The following ACKR2 variants were observed in gnomAD, a reference collection of about 807,000 sequenced individuals.
ACKR2 encodes the protein C-C chemokine receptor D6.
For synonymous variants in ACKR2, 207 were observed against 192.2 expected, an observed-to-expected ratio of 1.08 and a Z score of -0.64; for missense variants, 457 against 477.3, an observed-to-expected ratio of 0.96 and a Z score of 0.40.
Position 42,863,679 on chromosome 3 carries a change from C to T in ACKR2, c.-37-787C>T, listed in dbSNP as rs183420017. On this transcript the variant is annotated intron_variant, in intron 2 of 2. Coordinates refer to ENST00000422265, the MANE Select transcript of ACKR2 (RefSeq NM_001296.5). Reference sequence around the variant, plus strand: ...TACACAGCATGGAATACTATGCAGCCATAAAATGGATGAGTTCATGTCCTT... The same window carrying T: ...TACACAGCATGGAATACTATGCAGCTATAAAATGGATGAGTTCATGTCCTT... 7.5e-3 allele frequency among the ~76,000 whole-genome samples: 1,135 copies of T among 152,284 alleles called. 19 individuals carry two copies. In the South Asian group the frequency reaches 0.078, roughly 10 times the overall value.
At chr3:42,856,356 C>A in intron 2 of ACKR2, 1 of 702,468 alleles carries the variant, frequency 1.4e-6, no homozygotes, top group South Asian at 1.5e-5. Context: ...CCAGGGCTCC[C>A]TCAGGAGAGG....
At chr3:42,815,262 A>T (rs1025289220) in intron 1 of ACKR2, among the ~76,000 whole-genome samples, 1 of 152,204 alleles carries the variant, frequency 6.6e-6, no homozygotes, top group African/African-American at 2.4e-5. Context: ...CCCATTACAT[A>T]CTGTGTATTG....
chr3:42,842,147 A>G (rs1255953473), intron 2 of ACKR2, among the ~76,000 whole-genome samples: 2 of 152,258 alleles, frequency 1.3e-5, no homozygotes, highest in African/African-American at 4.8e-5. Context: ...CTTTCTGGGC[A>G]TTAGAAACAG....
intron 2 of ACKR2, among the ~76,000 whole-genome samples, chr3:42,821,181 T>C (rs1043184646): frequency 1.3e-5 from 2 of 152,186 alleles, no homozygotes; most frequent in African/African-American, 2.4e-5. Context: ...TGAGCCACCA[T>C]GCCTGGCCTC....
At chr3:42,818,140 TTGGTATTCCACAGACTCCA>T (rs1379963660) in intron 1 of ACKR2, among the ~76,000 whole-genome samples, 1 of 152,230 alleles carries the variant, frequency 6.6e-6, no homozygotes, top group African/African-American at 2.4e-5. Context: ...CGTCTTCACT[TTGGTATTCCACAGACTCCA>T]TGTGTCCATA....
intron 2 of ACKR2, among the ~76,000 whole-genome samples, chr3:42,828,090 A>ATTTTTTTTTTTTTTTTTT (rs200255129): frequency 1.1e-5 from 1 of 91,874 alleles, no homozygotes; most frequent in African/African-American, 4.3e-5. Flanking sequence ...ATATATATAT[A>ATTTTTTTTTTTTTTTTTT]TATTTTTTTT....
rs926528397 is a variant in ACKR2, at chr3:42,856,250, T to TG, written c.-37-8211dup. On this transcript the variant is annotated intron_variant, in intron 2 of 2. Transcript: ENST00000422265. ...AGCCACTCAGGCTGAGCTCCTGGGG[T>TG]GGGGGCAGGTCATGTGTGGTTTCCA... is the stretch of plus-strand genomic sequence containing the variant. 1.5e-5 allele frequency: 9 copies of TG among 605,956 alleles called. No individual in the cohort carries two copies. In the African/African-American group the frequency reaches 1.7e-4, roughly 11 times the overall value. 37.5% of individuals were successfully genotyped at this position (605,956 alleles called of 1,614,324 possible). A position where few individuals can be genotyped will look rare whatever the true frequency, so the allele number is the denominator to read the frequency against.
intron 2 of ACKR2, among the ~76,000 whole-genome samples, 167 bp from the exon 3 acceptor site, chr3:42,864,299 A>G (rs531016643): frequency 5.3e-5 from 8 of 152,350 alleles, no homozygotes; most frequent in East Asian, 1.9e-4. Flanking sequence ...TCTTGGTGAC[A>G]TAACTATTAA....
At chr3:42,841,958 A>G (rs1337894497) in intron 2 of ACKR2, among the ~76,000 whole-genome samples, 1 of 152,162 alleles carries the variant, frequency 6.6e-6, no homozygotes, top group Admixed American at 6.5e-5. Flanking sequence ...ATCACTCCCT[A>G]GCATTGGGAT....
At position 42,866,177 on chromosome 3, in the gene ACKR2, C is replaced by CTTTTTTTTTTTTTT. The variant is rs59894863; in HGVS notation, c.*523_*536dup. 2 of 122,046 alleles carry CTTTTTTTTTTTTTT rather than the reference C, an allele frequency of 1.6e-5. No individual in the cohort carries two copies. Among genetic ancestry groups the CTTTTTTTTTTTTTT allele is most frequent in the East Asian group, 2.4e-4 (1 of 4,096 alleles). The allele number at this position is 122,046 out of a possible 1,614,324, so 7.6% of individuals were successfully genotyped here. ...TTTTTTTTCTTTCTTTCTTTCTTTT[C>CTTTTTTTTTTTTTT]TTTTTTTTTTTTTTTTGAGACGGAG... On this transcript the variant is annotated 3_prime_UTR_variant, in exon 3 of 3. Transcript: ENST00000422265.
At chr3:42,857,545 A>G (rs940315739) in intron 2 of ACKR2, among the ~76,000 whole-genome samples, 1 of 152,230 alleles carries the variant, frequency 6.6e-6, no homozygotes, top group Non-Finnish European at 1.5e-5. Context: ...GAACCTCACA[A>G]GACAGGCACT....
chr3:42,854,553 T>C (rs1380228964), intron 2 of ACKR2, among the ~76,000 whole-genome samples: 5 of 152,168 alleles, frequency 3.3e-5, no homozygotes, highest in Non-Finnish European at 5.9e-5. Flanking sequence ...CGGCCCCCCA[T>C]TTGCTAATCT....
chr3:42,861,194 C>T (rs941345735), intron 2 of ACKR2, among the ~76,000 whole-genome samples: 3 of 152,138 alleles, frequency 2.0e-5, no homozygotes, highest in Admixed American at 1.3e-4. Context: ...ACCATTGATC[C>T]CACAGAAATA....
At chr3:42,846,823 C>T (rs925890123) in intron 2 of ACKR2, among the ~76,000 whole-genome samples, 30 of 152,184 alleles carry the variant, frequency 2.0e-4, no homozygotes, top group African/African-American at 7.2e-4. Flanking sequence ...CCAGTGCTGG[C>T]TGGGCTATGC....
intron 2 of ACKR2, among the ~76,000 whole-genome samples, chr3:42,824,602 T>C (rs1700843798): frequency 1.3e-5 from 2 of 152,350 alleles, no homozygotes; most frequent in South Asian, 2.1e-4. Flanking sequence ...ATATGGACTT[T>C]TGTATCAGAT....
chr3:42,832,257 G>A, intron 2 of ACKR2, among the ~76,000 whole-genome samples: 1 of 152,160 alleles, frequency 6.6e-6, no homozygotes, highest in East Asian at 1.9e-4. Context: ...GGGAGGCTGA[G>A]GTGGGCAGAT....
At chr3:42,833,971 A>AT (rs1362805472) in intron 2 of ACKR2, among the ~76,000 whole-genome samples, 5 of 151,672 alleles carry the variant, frequency 3.3e-5, no homozygotes, top group East Asian at 1.9e-4. Context: ...TTTTATTTTT[A>AT]TTTTTTTTGA....
At chr3:42,849,065 A>G (rs1451196637) in intron 2 of ACKR2, among the ~76,000 whole-genome samples, 1 of 152,238 alleles carries the variant, frequency 6.6e-6, no homozygotes, top group African/African-American at 2.4e-5. Context: ...TCTGGTTTAG[A>G]TCCTGGGCCA....
Position 42,823,175 on chromosome 3 carries a change from T to A in ACKR2, c.-38+3464T>A, listed in dbSNP as rs72867312. Among the ~76,000 whole-genome samples the A allele has an allele frequency of 7.9e-3, 1,208 of 152,332 alleles. 18 individuals carry two copies. Among genetic ancestry groups the A allele is most frequent in the African/African-American group, 0.027 (1,130 of 41,576 alleles). On this transcript the variant is annotated intron_variant, in intron 2 of 2. Transcript: ENST00000422265. ...TCTTCTCCTATCCAGGTTTCACTTT[T>A]AAAAAGTTATCCCTTCCTCTTGTTT...
Sources: gnomAD v4.1 joint callset for allele counts (sites outside exome capture counted in the v4.1 genomes callset) on GRCh38, gnomAD v4.1.1 for gene constraint, MANE v1.5 for transcripts, NCBI Gene and HGNC (gene_info 2026-07-23, HGNC 2026-07-21) for gene names.